POU3F2: variants seen among roughly 807,000 people sequenced by gnomAD.
POU3F2 encodes POU class 3 homeobox 2.
Under a neutral mutation model 33.1 loss-of-function variants are expected in POU3F2, and 11 were observed. The observed-to-expected ratio is 0.33, with a 90% confidence interval of 0.21 to 0.55. POU3F2 has a LOEUF of 0.55. Ranked by LOEUF, POU3F2 falls within the 20% of genes least tolerant of loss-of-function variation. The pLI is 0.91. For missense variants in POU3F2, 456 were observed against 620.2 expected, an observed-to-expected ratio of 0.74 and a Z score of 2.81; for synonymous variants, 332 against 289.6, an observed-to-expected ratio of 1.15 and a Z score of -1.49.
At position 98,835,559 on chromosome 6, in the gene POU3F2, C is replaced by A. The variant is rs1473026091; in HGVS notation, c.686C>A (p.Pro229Gln). 1 of 1,591,238 alleles carries A rather than the reference C, an allele frequency of 6.3e-7. No homozygotes were observed. Among genetic ancestry groups the A allele is most frequent in the Non-Finnish European group, 8.5e-7 (1 of 1,172,948 alleles). The change falls in exon 1 of 1, where the codon CCG becomes CAG. Residue 229 changes from proline to glutamine, a missense_variant. This residue lies in a region of POU3F2 where 341 missense variants were observed against 382.4 expected (regional missense o/e 0.89). Transcript: ENST00000328345. The surrounding 1 kb of genome is among the most constrained non-coding windows in gnomAD (Gnocchi z 9.7). ...HDEPHHADHH[P>Q]HPHSHPHQQP... ...GAGCCACACCATGCCGACCACCACC[C>A]GCACCCGCACTCGCACCCACACCAG...
At position 98,835,269 on chromosome 6, in the gene POU3F2, A is replaced by ACAG. The variant is rs1769978717; in HGVS notation, c.399_401dup (p.Gln149dup). The ACAG allele has an allele frequency of 1.3e-6, 2 of 1,544,530 alleles. No homozygotes were observed. Among genetic ancestry groups the ACAG allele is most frequent in the Non-Finnish European group, 1.7e-6 (2 of 1,144,702 alleles). ...TGCAGCAGCAGCATCAGCAGCAGCA[A>ACAG]CAGCAACAGCAGCAGCAACAGCAGC... On this transcript the variant is annotated inframe_insertion, in exon 1 of 1. Transcript: ENST00000328345. This position sits in a 1 kb window ranked among gnomAD's most constrained non-coding sequence, Gnocchi z 9.7.
In POU3F2 at chr6:98,839,170, A is replaced by G. The variant is rs1245755093; in HGVS notation, c.*2965A>G. On this transcript the variant is annotated 3_prime_UTR_variant, in exon 1 of 1. Transcript: ENST00000328345. Reference sequence around the variant, plus strand: ...AAAGAGATGTTTGTCCCCTTTAAACATATGCAGATATGCCTGCATCTTCTT... The same window carrying G: ...AAAGAGATGTTTGTCCCCTTTAAACGTATGCAGATATGCCTGCATCTTCTT... 2 of 152,194 alleles carry G rather than the reference A, an allele frequency of 1.3e-5. No individual in the cohort carries two copies. Among genetic ancestry groups the G allele is most frequent in the Non-Finnish European group, 2.9e-5 (2 of 68,030 alleles). The allele number at this position is 152,194 out of a possible 1,614,324, so 9.4% of individuals were successfully genotyped here.
chr6:98,835,587 G>GCCGCCGCCC lies in POU3F2; in HGVS notation c.728_736dup (p.Pro243_Pro245dup), dbSNP rs371685985. On this transcript the variant is annotated inframe_insertion, in exon 1 of 1. Coordinates refer to ENST00000328345, the MANE Select transcript of POU3F2 (RefSeq NM_005604.4). This position sits in a 1 kb window ranked among gnomAD's most constrained non-coding sequence, Gnocchi z 9.7. ...ACCCGCACTCGCACCCACACCAGCAGCCGCCGCCCCCGCCGCCCCCGCAGG... is the reference window on the plus strand; with the variant it reads ...ACCCGCACTCGCACCCACACCAGCAGCCGCCGCCCCCGCCGCCCCCGCCGCCCCCGCAGG... The GCCGCCGCCC allele has an allele frequency of 6.2e-6, 10 of 1,603,698 alleles. No individual in the cohort carries two copies. Among genetic ancestry groups the GCCGCCGCCC allele is most frequent in the Admixed American group, 1.7e-5 (1 of 59,322 alleles).
In POU3F2 at chr6:98,835,271, A is replaced by T; in HGVS notation, c.398A>T (p.Gln133Leu). 2 of 1,545,574 alleles carry T rather than the reference A, an allele frequency of 1.3e-6. No individual in the cohort carries two copies. The highest frequency in any genetic ancestry group is 2.4e-5 in the South Asian group (2 of 83,638). ...ALQQQHQQQQQQQQQQQQQQQ... is the reference protein window; with the variant it reads ...ALQQQHQQQQLQQQQQQQQQQ... ...CAGCAGCAGCATCAGCAGCAGCAACAGCAACAGCAGCAGCAACAGCAGCAA... is the reference window on the plus strand; with the variant it reads ...CAGCAGCAGCATCAGCAGCAGCAACTGCAACAGCAGCAGCAACAGCAGCAA... Residue 133 changes from glutamine to leucine, a missense_variant, in exon 1 of 1, where the codon CAG (glutamine) becomes CTG (leucine). Physicochemically the swap from Gln to Leu is moderately radical, Grantham distance 113. Transcript: ENST00000328345. The surrounding 1 kb of genome is among the most constrained non-coding windows in gnomAD (Gnocchi z 9.7).
chr6:98,835,104 CG>C lies in POU3F2; in HGVS notation c.239del (p.Gly80AlafsTer118). The C allele has an allele frequency of 2.7e-5, 28 of 1,028,544 alleles. No individual in the cohort carries two copies. The highest frequency in any genetic ancestry group is 9.0e-5 in the East Asian group (2 of 22,326). 63.7% of individuals were successfully genotyped at this position (1,028,544 alleles called of 1,614,324 possible). ...GGGGGGGGGG[G>X]GGGGGGGGGG... ...GCGGCGGCGGGGGCGGTGGCGGCGGCGGGGGGGGCGGGGGCGGCGGCGGGGG... is the reference window on the plus strand; with the variant it reads ...GCGGCGGCGGGGGCGGTGGCGGCGGCGGGGGGGCGGGGGCGGCGGCGGGGG... On this transcript the variant is annotated frameshift_variant, in exon 1 of 1. Coordinates refer to ENST00000328345, the MANE Select transcript of POU3F2 (RefSeq NM_005604.4). LOFTEE classifies it high-confidence loss of function. The surrounding 1 kb of genome is among the most constrained non-coding windows in gnomAD (Gnocchi z 9.7).
At position 98,834,803 on chromosome 6, in the gene POU3F2, C is replaced by G; in HGVS notation, c.-71C>G. 3 of 1,517,852 alleles carry G rather than the reference C, an allele frequency of 2.0e-6. No homozygotes were observed. The highest frequency in any genetic ancestry group is 2.7e-6 in the Non-Finnish European group (3 of 1,125,230). 94.0% of individuals were successfully genotyped at this position (1,517,852 alleles called of 1,614,324 possible). On this transcript the variant is annotated 5_prime_UTR_variant, in exon 1 of 1. Transcript: ENST00000328345. ...AGAAAGAGCGAGCGAGGAGAGGGAG[C>G]CCGAGGCGAAAAAGTAACTGTCAAA...
At position 98,839,006 on chromosome 6, in the gene POU3F2, T is replaced by A. The variant is rs79209351; in HGVS notation, c.*2801T>A. The A allele has an allele frequency of 1.3e-4, 19 of 151,380 alleles. No individual in the cohort carries two copies. Among genetic ancestry groups the A allele is most frequent in the African/African-American group, 4.6e-4 (19 of 41,226 alleles). 9.4% of individuals were successfully genotyped at this position (151,380 alleles called of 1,614,324 possible). A position where few individuals can be genotyped will look rare whatever the true frequency, so the allele number is the denominator to read the frequency against. ...AACTTTCAGAGGCTTTTTTTTTTTTTAATGGAGACTACTGGTCTAATTCAC... is the reference window on the plus strand; with the variant it reads ...AACTTTCAGAGGCTTTTTTTTTTTTAAATGGAGACTACTGGTCTAATTCAC... On this transcript the variant is annotated 3_prime_UTR_variant, in exon 1 of 1. Coordinates refer to ENST00000328345, the MANE Select transcript of POU3F2 (RefSeq NM_005604.4).
chr6:98,835,269 ACAGCAACAGCAGCAGCAACAG>A lies in POU3F2; in HGVS notation c.414_434del (p.Gln143_Gln149del), dbSNP rs1337802686. 7.1e-5 allele frequency: 109 copies of A among 1,544,406 alleles called. No individual in the cohort carries two copies. The highest frequency in any genetic ancestry group is 2.0e-4 in the Middle Eastern group (1 of 4,982). ...TGCAGCAGCAGCATCAGCAGCAGCAACAGCAACAGCAGCAGCAACAGCAGCAACAGCAGCAGCAGCAGCAGC... is the reference window on the plus strand; with the variant it reads ...TGCAGCAGCAGCATCAGCAGCAGCAACAGCAACAGCAGCAGCAGCAGCAGC... On this transcript the variant is annotated inframe_deletion, in exon 1 of 1. Transcript: ENST00000328345. The surrounding 1 kb of genome is among the most constrained non-coding windows in gnomAD (Gnocchi z 9.7).
chr6:98,837,947 C>T lies in POU3F2; in HGVS notation c.*1742C>T, dbSNP rs1301683152. 1 of 166,380 alleles carries T rather than the reference C, an allele frequency of 6.0e-6. No homozygotes were observed. Among genetic ancestry groups the T allele is most frequent in the Non-Finnish European group, 1.5e-5 (1 of 68,066 alleles). 10.3% of individuals were successfully genotyped at this position (166,380 alleles called of 1,614,324 possible). A position where few individuals can be genotyped will look rare whatever the true frequency, so the allele number is the denominator to read the frequency against. ...ATCTTAAAAGTTTGGGGGTTTTTTTCCAGTTAGGTATTAGATAAATTTTTA... is the reference window on the plus strand; with the variant it reads ...ATCTTAAAAGTTTGGGGGTTTTTTTTCAGTTAGGTATTAGATAAATTTTTA... On this transcript the variant is annotated 3_prime_UTR_variant, in exon 1 of 1. Transcript: ENST00000328345.
Position 98,835,514 on chromosome 6 carries a change from G to T in POU3F2, c.641G>T (p.Gly214Val). Residue 214 changes from glycine to valine, a missense_variant, in exon 1 of 1, where the codon GGC (glycine) becomes GTC (valine). This residue lies in a region of POU3F2 where 341 missense variants were observed against 382.4 expected (regional missense o/e 0.89). Coordinates refer to ENST00000328345, the MANE Select transcript of POU3F2 (RefSeq NM_005604.4). This position sits in a 1 kb window ranked among gnomAD's most constrained non-coding sequence, Gnocchi z 9.7. ...GGQPAGLHHH[G>V]LRDAHDEPHH... Reference sequence around the variant, plus strand: ...CAGCCGGCCGGTCTGCACCACCACGGCCTGCGGGACGCGCACGACGAGCCA... The same window carrying T: ...CAGCCGGCCGGTCTGCACCACCACGTCCTGCGGGACGCGCACGACGAGCCA... The T allele has an allele frequency of 1.3e-6, 2 of 1,566,112 alleles. No homozygotes were observed. Among genetic ancestry groups the T allele is most frequent in the Non-Finnish European group, 8.6e-7 (1 of 1,164,218 alleles).
At position 98,835,526 on chromosome 6, in the gene POU3F2, C is replaced by T. The variant is rs1289738396; in HGVS notation, c.653C>T (p.Ala218Val). ...AGLHHHGLRD[A>V]HDEPHHADHH... The stretch of plus-strand genomic sequence containing the variant: ...CTGCACCACCACGGCCTGCGGGACG[C>T]GCACGACGAGCCACACCATGCCGAC... The change falls in exon 1 of 1, where the codon GCG (alanine) becomes GTG (valine). Residue 218 changes from alanine (A) to valine (V), a missense_variant. By Grantham distance (64) the Ala-to-Val change is moderately conservative. Around this residue, in one of 6 missense-constraint regions of POU3F2, gnomAD observed 341 missense variants for 382.4 expected, o/e 0.89. Coordinates refer to ENST00000328345, the MANE Select transcript of POU3F2 (RefSeq NM_005604.4). The surrounding 1 kb of genome is among the most constrained non-coding windows in gnomAD (Gnocchi z 9.7). The T allele has an allele frequency of 6.4e-7, 1 of 1,566,006 alleles. No homozygotes were observed. Among genetic ancestry groups the T allele is most frequent in the South Asian group, 1.1e-5 (1 of 87,608 alleles).
Position 98,835,106 on chromosome 6 carries a change from G to C in POU3F2, c.233G>C (p.Gly78Ala). The C allele has an allele frequency of 8.3e-7, 1 of 1,209,980 alleles. No homozygotes were observed. The highest frequency in any genetic ancestry group is 4.4e-5 in the Admixed American group (1 of 22,690). 75.0% of individuals were successfully genotyped at this position (1,209,980 alleles called of 1,614,324 possible). The change falls in exon 1 of 1, where the codon GGG (glycine) becomes GCG (alanine). Residue 78 changes from glycine (G) to alanine (A), a missense_variant. Transcript: ENST00000328345. The surrounding 1 kb of genome is among the most constrained non-coding windows in gnomAD (Gnocchi z 9.7). ...GGCGGCGGGGGCGGTGGCGGCGGCG[G>C]GGGGGGCGGGGGCGGCGGCGGGGGC... Reference protein sequence around the residue: ...GGGGGGGGGGGGGGGGGGGGG... With the variant: ...GGGGGGGGGGAGGGGGGGGGG...
At position 98,836,013 on chromosome 6, in the gene POU3F2, G is replaced by C; in HGVS notation, c.1140G>C (p.Ser380=). Residue 380 remains serine (S), a synonymous_variant, in exon 1 of 1, where the codon TCG becomes TCC. Coordinates refer to ENST00000328345, the MANE Select transcript of POU3F2 (RefSeq NM_005604.4). ...ESHFLKCPKP[S]AQEITSLADS... is the part of the protein sequence containing the mutation. ...ATTTCCTCAAATGCCCCAAGCCCTCGGCCCAGGAGATCACCTCCCTCGCGG... is the reference window on the plus strand; with the variant it reads ...ATTTCCTCAAATGCCCCAAGCCCTCCGCCCAGGAGATCACCTCCCTCGCGG... 1 of 1,611,856 alleles carries C rather than the reference G, an allele frequency of 6.2e-7. No homozygotes were observed. Among genetic ancestry groups the C allele is most frequent in the Non-Finnish European group, 8.5e-7 (1 of 1,179,394 alleles).
In POU3F2 at chr6:98,834,912, C is replaced by T; in HGVS notation, c.39C>T (p.Thr13=). The part of the protein sequence containing the change: ...TAASNHYSLL[T]SSASIVHAEP... ...CGTCTAACCACTACAGCCTGCTCACCTCCAGCGCCTCCATCGTGCACGCCG... is the reference window on the plus strand; with the variant it reads ...CGTCTAACCACTACAGCCTGCTCACTTCCAGCGCCTCCATCGTGCACGCCG... Residue 13 remains threonine (T), a synonymous_variant, in exon 1 of 1, where the codon ACC becomes ACT. Transcript: ENST00000328345. 6.2e-7 allele frequency: 1 copy of T among 1,600,374 alleles called. No homozygotes were observed. The highest frequency in any genetic ancestry group is 8.5e-7 in the Non-Finnish European group (1 of 1,179,460).
rs1220068742 is a variant in POU3F2, at chr6:98,838,051, T to C, written c.*1846T>C. ...GCATTGCACTCAGTAGTCTTTAAGG[T>C]TTTAGGAAATATGCTTTATATTGTC... On this transcript the variant is annotated 3_prime_UTR_variant, in exon 1 of 1. Coordinates refer to ENST00000328345, the MANE Select transcript of POU3F2 (RefSeq NM_005604.4). 1 of 167,022 alleles carries C rather than the reference T, an allele frequency of 6.0e-6. No individual in the cohort carries two copies. Among genetic ancestry groups the C allele is most frequent in the African/African-American group, 2.4e-5 (1 of 41,442 alleles). The allele number at this position is 167,022 out of a possible 1,614,324, so 10.3% of individuals were successfully genotyped here.
chr6:98,834,674 G>C lies in POU3F2; in HGVS notation c.-200G>C. On this transcript the variant is annotated 5_prime_UTR_variant, in exon 1 of 1. Coordinates refer to ENST00000328345, the MANE Select transcript of POU3F2 (RefSeq NM_005604.4). Reference sequence around the variant, plus strand: ...AGGAGGAGAAAGAGAGCGAGGGCGGGCGGGAGGCGGCGGCGGCGGCAGCAG... The same window carrying C: ...AGGAGGAGAAAGAGAGCGAGGGCGGCCGGGAGGCGGCGGCGGCGGCAGCAG... The C allele has an allele frequency of 1.6e-6, 1 of 610,648 alleles. No homozygotes were observed. The highest frequency in any genetic ancestry group is 1.9e-5 in the South Asian group (1 of 51,552). The allele number at this position is 610,648 out of a possible 1,614,324, so 37.8% of individuals were successfully genotyped here. A position where few individuals can be genotyped will look rare whatever the true frequency, so the allele number is the denominator to read the frequency against.
Position 98,837,999 on chromosome 6 carries a change from A to T in POU3F2, c.*1794A>T, listed in dbSNP as rs1359308025. On this transcript the variant is annotated 3_prime_UTR_variant, in exon 1 of 1. Coordinates refer to ENST00000328345, the MANE Select transcript of POU3F2 (RefSeq NM_005604.4). ...TTTAAAAAATGAAAGTCTCACTACC[A>T]TAAAATTATGGTTCAGCATCAGATT... is the stretch of plus-strand genomic sequence containing the variant. 2.4e-5 allele frequency: 4 copies of T among 167,022 alleles called. No individual in the cohort carries two copies. Among genetic ancestry groups the T allele is most frequent in the African/African-American group, 9.7e-5 (4 of 41,448 alleles). The allele number at this position is 167,022 out of a possible 1,614,324, so 10.3% of individuals were successfully genotyped here.
chr6:98,835,117 G>A lies in POU3F2; in HGVS notation c.244G>A (p.Gly82Ser). Residue 82 changes from glycine to serine, a missense_variant, in exon 1 of 1, where the codon GGC becomes AGC. This residue lies in a region of POU3F2 where 341 missense variants were observed against 382.4 expected (regional missense o/e 0.89). Coordinates refer to ENST00000328345, the MANE Select transcript of POU3F2 (RefSeq NM_005604.4). This position sits in a 1 kb window ranked among gnomAD's most constrained non-coding sequence, Gnocchi z 9.7. ...CGGTGGCGGCGGCGGGGGGGGCGGG[G>A]GCGGCGGCGGGGGCGGCGGCGACGG... ...GGGGGGGGGG[G>S]GGGGGGDGSP... is the part of the protein sequence containing the mutation. 1.7e-6 allele frequency: 2 copies of A among 1,211,858 alleles called. No individual in the cohort carries two copies. Among genetic ancestry groups the A allele is most frequent in the Non-Finnish European group, 2.0e-6 (2 of 975,924 alleles). 75.1% of individuals were successfully genotyped at this position (1,211,858 alleles called of 1,614,324 possible).
chr6:98,834,982 G>T lies in POU3F2; in HGVS notation c.109G>T (p.Ala37Ser), dbSNP rs2128367728. ...MQQGAGGYRE[A>S]QSLVQGDYGA... ...GCAGGGCGCGGGGGGCTACCGCGAA[G>T]CGCAGAGCCTGGTGCAGGGCGACTA... The change falls in exon 1 of 1, where the codon GCG becomes TCG. Residue 37 changes from alanine to serine, a missense_variant. By Grantham distance (99) the Ala-to-Ser change is moderately conservative (BLOSUM62 1). Transcript: ENST00000328345. 1 of 1,598,578 alleles carries T rather than the reference G, an allele frequency of 6.3e-7. No individual in the cohort carries two copies. Among genetic ancestry groups the T allele is most frequent in the South Asian group, 1.1e-5 (1 of 90,884 alleles).
Sources: gnomAD v4.1 joint callset for allele counts on GRCh38, gnomAD v4.1.1 for gene constraint, gnomAD v4.1.1 regional missense constraint, Gnocchi (gnomAD v3.1) non-coding constraint, MANE v1.5 for transcripts, NCBI Gene and HGNC (gene_info 2026-07-23, HGNC 2026-07-21) for gene names.